The following FBXO11 variants were observed in gnomAD, a reference collection of about 807,000 sequenced individuals.
FBXO11 encodes F-box only protein 11.
FBXO11 carries 13 observed loss-of-function variants against 117.0 expected under a neutral mutation model. The ratio of observed to expected loss-of-function variants is 0.11; its 90% CI spans 0.07 to 0.18. FBXO11 has a LOEUF of 0.18. Among genes scored for constraint, FBXO11 ranks in the 10% least tolerant of loss-of-function variants. The pLI, the probability that FBXO11 is intolerant of heterozygous loss-of-function variation, is 1.00. For synonymous variants in FBXO11, 490 were observed against 380.5 expected (o/e 1.29, Z -3.35); for missense variants, 767 against 1,164.4 (o/e 0.66, Z 4.97).
At chr2:47,860,463 C>A (rs1414290914) in intron 1 of FBXO11, among the ~76,000 whole-genome samples, 2 of 147,724 alleles carry the variant, frequency 1.4e-5, no homozygotes, top group African/African-American at 5.0e-5. Context: ...CAGAGTGGAG[C>A]GCAGTGGCAC....
chr2:47,820,772 T>C (rs747353300), intron 13 of FBXO11, among the ~76,000 whole-genome samples: 5 of 152,196 alleles, frequency 3.3e-5, no homozygotes, highest in Non-Finnish European at 5.9e-5. Context: ...TCTGTATCCT[T>C]ATCAATATTT....
At chr2:47,821,511 G>A (rs552697130) in intron 13 of FBXO11, among the ~76,000 whole-genome samples, 9 of 152,236 alleles carry the variant, frequency 5.9e-5, no homozygotes, top group African/African-American at 1.9e-4. Flanking sequence ...TTGGGAGGCT[G>A]CGGCAGGAGA....
intron 1 of FBXO11, among the ~76,000 whole-genome samples, chr2:47,858,871 T>C (rs1406873099): frequency 6.7e-6 from 1 of 150,000 alleles, no homozygotes; most frequent in Non-Finnish European, 1.5e-5. Context: ...AAACCCCGTC[T>C]CTACTAAAAA....
Position 47,813,782 on chromosome 2 carries a change from T to A in FBXO11, c.2083+9A>T. ...TTAACACAGAAAAAAGATGACAGAT[T>A]AAACATACCAGAATTATAAACTAGA... is the stretch of plus-strand genomic sequence containing the variant. On this transcript the variant is annotated intron_variant, in intron 17 of 22. Coordinates refer to ENST00000403359, the MANE Select transcript of FBXO11 (RefSeq NM_001190274.2). 6.2e-7 allele frequency: 1 copy of A among 1,607,060 alleles called. No homozygotes were observed. The highest frequency in any genetic ancestry group is 8.5e-7 in the Non-Finnish European group (1 of 1,173,764).
chr2:47,808,533 CA>C (rs1244460148), intron 21 of FBXO11, 106 bp from the exon 22 acceptor site: 5 of 979,680 alleles, frequency 5.1e-6, no homozygotes, highest in Non-Finnish European at 7.2e-6. Context: ...AGGACCAAAA[CA>C]AAATTCTTTG....
Position 47,839,733 on chromosome 2 carries a change from G to T in FBXO11, c.269C>A (p.Ser90Ter). 6.2e-7 allele frequency: 1 copy of T among 1,613,858 alleles called. No individual in the cohort carries two copies. The highest frequency in any genetic ancestry group is 1.1e-5 in the South Asian group (1 of 91,006). ...TGGACTATTTTGTGCACCAGGACCT[G>T]ATTCTTCTGCAACCATATCTGCAGG... ...DVPADMVAEESGPGAQNSPYQ... is the reference protein window; with the variant it reads ...DVPADMVAEE Residue 90 changes from serine to a stop codon, truncating the protein, a stop_gained, in exon 2 of 23, where the codon TCA (serine) becomes TAA (stop). Transcript: ENST00000403359. LOFTEE classifies it high-confidence loss of function.
At chr2:47,838,428 G>GAATTACTGGGTCAAAGGGCATGACCCAGT (rs1213934598) in intron 4 of FBXO11, among the ~76,000 whole-genome samples, 2,149 of 150,300 alleles carry the variant, frequency 0.014, 84 homozygotes, top group African/African-American at 0.047. Context: ...TTCAGAAGTA[G>GAATTACTGGGTCAAAGGGCATGACCCAGT]AATTACTGGG....
rs1320280617 is a variant in FBXO11, at chr2:47,807,071, C to CACTT, written c.*1043_*1046dup. The CACTT allele has an allele frequency of 1.8e-6, 1 of 557,552 alleles. No homozygotes were observed. The highest frequency in any genetic ancestry group is 3.2e-6 in the Non-Finnish European group (1 of 317,046). 34.5% of individuals were successfully genotyped at this position (557,552 alleles called of 1,614,324 possible). A position where few individuals can be genotyped will look rare whatever the true frequency, so the allele number is the denominator to read the frequency against. ...GTCTAGATGTTATGGTACATGCATA[C>CACTT]ACTTTCAGGCTGTTTTATACCCACT... On this transcript the variant is annotated 3_prime_UTR_variant, in exon 23 of 23. Coordinates refer to ENST00000403359, the MANE Select transcript of FBXO11 (RefSeq NM_001190274.2).
chr2:47,836,292 A>G (rs1020022358), intron 4 of FBXO11, among the ~76,000 whole-genome samples: 1 of 152,312 alleles, frequency 6.6e-6, no homozygotes, highest in East Asian at 1.9e-4. Flanking sequence ...CGCACAGCTA[A>G]AAACAGGATT....
At chr2:47,873,588 T>C (rs978658108) in intron 1 of FBXO11, among the ~76,000 whole-genome samples, 16 of 152,232 alleles carry the variant, frequency 1.1e-4, no homozygotes, top group African/African-American at 3.9e-4. Flanking sequence ...TTGTGTCTCT[T>C]ATTCCTTAGT....
intron 11 of FBXO11, among the ~76,000 whole-genome samples, chr2:47,828,142 G>C (rs879719121): frequency 1.3e-5 from 2 of 152,142 alleles, no homozygotes; most frequent in Non-Finnish European, 2.9e-5. Flanking sequence ...ACCATGCCCA[G>C]CTAATTTTTA....
At chr2:47,827,472 A>G (rs113479786) in intron 11 of FBXO11, among the ~76,000 whole-genome samples, 10,908 of 152,018 alleles carry the variant, frequency 0.072, 552 homozygotes, top group Non-Finnish European at 0.11. Context: ...ACGCCCAGCT[A>G]ATTTTTGTAT....
At chr2:47,861,211 G>A (rs537296471) in intron 1 of FBXO11, among the ~76,000 whole-genome samples, 1 of 151,958 alleles carries the variant, frequency 6.6e-6, no homozygotes, top group African/African-American at 2.4e-5. Context: ...GTTGTACACT[G>A]TGTACACTTA....
chr2:47,831,901 A>G lies in FBXO11; in HGVS notation c.1398+448T>C, dbSNP rs139265530. Among the ~76,000 whole-genome samples, 224 of 152,330 alleles carry G rather than the reference A, an allele frequency of 1.5e-3. 1 individual carries two copies. Among genetic ancestry groups the G allele is most frequent in the Non-Finnish European group, 2.4e-3 (166 of 68,016 alleles). On this transcript the variant is annotated intron_variant, in intron 11 of 22. Transcript: ENST00000403359. The stretch of plus-strand genomic sequence containing the variant: ...CAAGAGGAATTAAATGAAAAGCAAA[A>G]TAACAATGAAACCATTATTTCTCAA...
chr2:47,898,447 C>T (rs1427161441), intron 1 of FBXO11, among the ~76,000 whole-genome samples: 2 of 152,206 alleles, frequency 1.3e-5, no homozygotes, highest in South Asian at 2.1e-4. Flanking sequence ...ACTAATTTAA[C>T]GCACATTTTT....
At position 47,815,433 on chromosome 2, in the gene FBXO11, T is replaced by G. The variant is rs76322453; in HGVS notation, c.2007-1566A>C. On this transcript the variant is annotated intron_variant, in intron 16 of 22. Transcript: ENST00000403359. ...GACCTGCTTTGAGGAAAAGGAATTC[T>G]GGTTTCTGGGACTCAATTTGGGGGA... Among the ~76,000 whole-genome samples, 522 of 152,290 alleles carry G rather than the reference T, an allele frequency of 3.4e-3. 1 individual carries two copies. The highest frequency in any genetic ancestry group is 0.012 in the African/African-American group (490 of 41,566).
chr2:47,896,172 GA>G (rs1677649202), intron 1 of FBXO11, among the ~76,000 whole-genome samples: 1 of 152,042 alleles, frequency 6.6e-6, no homozygotes, highest in Non-Finnish European at 1.5e-5. Context: ...AACTTTAAGA[GA>G]AAAATTTAAA....
intron 1 of FBXO11, among the ~76,000 whole-genome samples, chr2:47,869,456 T>C (rs1022084288): frequency 2.6e-5 from 4 of 152,276 alleles, no homozygotes; most frequent in Non-Finnish European, 5.9e-5. Context: ...ATATCTGAAA[T>C]ACAGGAGATC....
chr2:47,893,659 C>T (rs1274160527), intron 1 of FBXO11, among the ~76,000 whole-genome samples: 5 of 152,138 alleles, frequency 3.3e-5, no homozygotes, highest in Non-Finnish European at 1.5e-5. Flanking sequence ...ATGGTGATAA[C>T]CTAACAAATT....
Sources: gnomAD v4.1 joint callset for allele counts (sites outside exome capture counted in the v4.1 genomes callset) on GRCh38, gnomAD v4.1.1 for gene constraint, MANE v1.5 for transcripts, NCBI Gene and HGNC (gene_info 2026-07-23, HGNC 2026-07-21) for gene names.